FOXP2: variants seen among roughly 807,000 people sequenced by gnomAD.
The protein encoded by FOXP2 is forkhead box P2, also known as forkhead box protein P2.
FOXP2 carries 12 observed loss-of-function variants against 115.8 expected under a neutral mutation model. The observed-to-expected ratio is 0.10, with a 90% CI of 0.07 to 0.17. The LOEUF is 0.17. Among genes scored for constraint, FOXP2 ranks in the 10% least tolerant of loss-of-function variants. FOXP2 has a pLI of 1.00. For synonymous variants in FOXP2, 328 were observed against 297.7 expected, an observed-to-expected ratio of 1.10 and a Z score of -1.05; for missense variants, 629 against 843.5, an observed-to-expected ratio of 0.75 and a Z score of 3.15.
intron 1 of FOXP2, among the ~76,000 whole-genome samples, chr7:114,261,872 A>G (rs921767320): frequency 6.6e-6 from 1 of 152,060 alleles, no homozygotes; most frequent in South Asian, 2.1e-4. Flanking sequence ...TAGCCTGGAC[A>G]ACATGGTGCA....
intron 3 of FOXP2, among the ~76,000 whole-genome samples, chr7:114,578,280 T>C (rs1387516223): frequency 6.6e-6 from 1 of 152,014 alleles, no homozygotes; most frequent in East Asian, 1.9e-4. Flanking sequence ...GATACTGCTA[T>C]TTTGGAAGGG....
At chr7:114,429,348 G>A (rs1297337830) in intron 2 of FOXP2, among the ~76,000 whole-genome samples, 1 of 151,202 alleles carries the variant, frequency 6.6e-6, no homozygotes, top group African/African-American at 2.4e-5. Flanking sequence ...ATCTCTGTTA[G>A]TATGCTCTGC....
chr7:114,606,424 C>G (rs1387083831), intron 3 of FOXP2, among the ~76,000 whole-genome samples: 1 of 152,186 alleles, frequency 6.6e-6, no homozygotes, highest in Non-Finnish European at 1.5e-5. Context: ...TCCTCAAAAC[C>G]TACAAAAACT....
intron 1 of FOXP2, among the ~76,000 whole-genome samples, chr7:114,137,226 G>A (rs1390216919): frequency 2.6e-5 from 4 of 152,084 alleles, no homozygotes; most frequent in Admixed American, 2.6e-4. Context: ...GATAAGGAAA[G>A]AGAGAATAAT....
At chr7:114,127,205 T>C (rs1791734703) in intron 1 of FOXP2, among the ~76,000 whole-genome samples, 2 of 152,208 alleles carry the variant, frequency 1.3e-5, no homozygotes, top group Non-Finnish European at 2.9e-5. Flanking sequence ...TATGAAAGCC[T>C]ACTCTATCAA....
intron 1 of FOXP2, among the ~76,000 whole-genome samples, chr7:114,259,320 A>T (rs1795691791): frequency 6.6e-6 from 1 of 152,256 alleles, no homozygotes; most frequent in Admixed American, 6.5e-5. Context: ...GTTTACACTG[A>T]AATAGGCTGT....
chr7:114,212,656 T>C (rs1794389817), intron 1 of FOXP2, among the ~76,000 whole-genome samples: 1 of 152,228 alleles, frequency 6.6e-6, no homozygotes, highest in Admixed American at 6.5e-5. Flanking sequence ...GTTTTTTCTG[T>C]AGTTGTTTTT....
chr7:114,311,904 C>T (rs369736740), intron 2 of FOXP2, among the ~76,000 whole-genome samples: 4 of 152,244 alleles, frequency 2.6e-5, no homozygotes, highest in African/African-American at 9.6e-5. Flanking sequence ...GTTTTTGCCC[C>T]TCTACATGCT....
At chr7:114,243,527 T>C (rs1411795443) in intron 1 of FOXP2, among the ~76,000 whole-genome samples, 2 of 152,168 alleles carry the variant, frequency 1.3e-5, no homozygotes, top group African/African-American at 4.8e-5. Flanking sequence ...TTTTTGGCAC[T>C]ACATTTTTGA....
chr7:114,123,458 A>G (rs1791623083), intron 1 of FOXP2, among the ~76,000 whole-genome samples: 1 of 152,004 alleles, frequency 6.6e-6, no homozygotes, highest in African/African-American at 2.4e-5. Context: ...CATTGTAATG[A>G]AAATATTGAT....
intron 2 of FOXP2, among the ~76,000 whole-genome samples, chr7:114,435,825 C>T (rs1261927743): frequency 5.3e-5 from 8 of 152,188 alleles, no homozygotes; most frequent in Admixed American, 5.2e-4. Context: ...AGGCGTGAGC[C>T]ATTGTGCCCG....
chr7:114,176,285 T>TTTCTTTC (rs1192095313), intron 1 of FOXP2, among the ~76,000 whole-genome samples: 3 of 41,400 alleles, frequency 7.2e-5, no homozygotes, highest in African/African-American at 1.8e-4. Context: ...TCTTTCTTTC[T>TTTCTTTC]TTCTTTCTTT....
chr7:114,689,424 T>C (rs1380805661), intron 16 of FOXP2, among the ~76,000 whole-genome samples: 1 of 152,180 alleles, frequency 6.6e-6, no homozygotes, highest in Non-Finnish European at 1.5e-5. Flanking sequence ...GTAAAAGTGT[T>C]TTCATTTGTT....
intron 1 of FOXP2, among the ~76,000 whole-genome samples, chr7:114,228,893 C>T (rs1376509265): frequency 6.6e-6 from 1 of 150,478 alleles, no homozygotes; most frequent in Non-Finnish European, 1.5e-5. Flanking sequence ...ATAGTAAGTT[C>T]TCCCTTTCAA....
chr7:114,348,929 G>A (rs1791411602), intron 2 of FOXP2, among the ~76,000 whole-genome samples: 1 of 151,990 alleles, frequency 6.6e-6, no homozygotes, highest in Admixed American at 6.6e-5. Flanking sequence ...AAAGCAAAAT[G>A]GGCCAAATGG....
intron 2 of FOXP2, among the ~76,000 whole-genome samples, chr7:114,449,351 C>T (rs944486048): frequency 6.6e-6 from 1 of 151,934 alleles, no homozygotes; most frequent in Non-Finnish European, 1.5e-5. Context: ...ATTGAAAATA[C>T]AAATAATGCT....
At chr7:114,485,549 T>C (rs1196380011) in intron 2 of FOXP2, among the ~76,000 whole-genome samples, 1 of 151,968 alleles carries the variant, frequency 6.6e-6, no homozygotes, top group African/African-American at 2.4e-5. Flanking sequence ...AATCTGTACA[T>C]TTAGGTATCC....
chr7:114,494,568 A>G (rs1797224330), intron 2 of FOXP2, among the ~76,000 whole-genome samples: 1 of 152,166 alleles, frequency 6.6e-6, no homozygotes, highest in African/African-American at 2.4e-5. Flanking sequence ...ATCTGGACCA[A>G]GTTTTCTCAG....
At chr7:114,558,399 G>A (rs958598717) in intron 3 of FOXP2, among the ~76,000 whole-genome samples, 7 of 152,132 alleles carry the variant, frequency 4.6e-5, no homozygotes, top group African/African-American at 1.7e-4. Context: ...TATCCTCCAA[G>A]AGAAAAGACA....
Sources: gnomAD v4.1 joint callset for allele counts (sites outside exome capture counted in the v4.1 genomes callset) on GRCh38, gnomAD v4.1.1 for gene constraint, MANE v1.5 for transcripts, NCBI Gene and HGNC (gene_info 2026-07-23, HGNC 2026-07-21) for gene names.